The following MMD variants were observed in gnomAD, a reference collection of about 807,000 sequenced individuals.
MMD encodes the protein monocyte to macrophage differentiation factor.
In MMD, 22 loss-of-function variants were observed where a neutral mutation model predicts 33.6. The observed-to-expected ratio is 0.66, with a 90% CI of 0.47 to 0.94. The LOEUF (loss-of-function observed/expected upper bound fraction) is 0.94. MMD is among the 40% of genes least tolerant of loss of function. The pLI, the probability that MMD is intolerant of heterozygous loss-of-function variation, is 0.00. For missense variants in MMD, 242 were observed against 309.8 expected (o/e 0.78, Z 1.64); for synonymous variants, 97 against 103.2 (o/e 0.94, Z 0.36).
chr17:55,415,825 C>T (rs995467692), intron 1 of MMD, among the ~76,000 whole-genome samples: 1 of 152,070 alleles, frequency 6.6e-6, no homozygotes, highest in Admixed American at 6.5e-5. Flanking sequence ...GTTTGAAAAC[C>T]AACTGTTAAA....
intron 5 of MMD, among the ~76,000 whole-genome samples, chr17:55,402,344 G>T (rs918887917): frequency 6.6e-6 from 1 of 152,066 alleles, no homozygotes; most frequent in Non-Finnish European, 1.5e-5. Context: ...TCTTTATTTT[G>T]CACCTGCACA....
intron 6 of MMD, among the ~76,000 whole-genome samples, chr17:55,396,451 G>C (rs139524502): frequency 1.1e-3 from 167 of 152,156 alleles, no homozygotes; most frequent in African/African-American, 4.0e-3. Flanking sequence ...CTCCCGTCTT[G>C]CTCTCTGTTT....
chr17:55,418,014 C>T (rs930415735), intron 1 of MMD, among the ~76,000 whole-genome samples: 11 of 152,204 alleles, frequency 7.2e-5, no homozygotes, highest in African/African-American at 2.4e-4. Context: ...CTTTCTGCTC[C>T]TTAAACACAT....
At chr17:55,398,136 A>G (rs1011651082) in intron 6 of MMD, among the ~76,000 whole-genome samples, 1 of 150,726 alleles carries the variant, frequency 6.6e-6, no homozygotes, top group Non-Finnish European at 1.5e-5. Flanking sequence ...AAAAGAAAAG[A>G]AAAACTGTAA....
intron 4 of MMD, among the ~76,000 whole-genome samples, chr17:55,407,377 C>G (rs1907596640): frequency 6.6e-6 from 1 of 151,928 alleles, no homozygotes; most frequent in Non-Finnish European, 1.5e-5. Context: ...ATATTTACAG[C>G]ATTTCCACTT....
intron 1 of MMD, among the ~76,000 whole-genome samples, chr17:55,417,085 T>A (rs188141640): frequency 6.6e-6 from 1 of 152,190 alleles, no homozygotes; most frequent in Non-Finnish European, 1.5e-5. Context: ...CTTAGCACAC[T>A]AACACACTTT....
Position 55,412,481 on chromosome 17 carries a change from G to A in MMD, c.109-1064C>T, listed in dbSNP as rs573963869. Among the ~76,000 whole-genome samples the A allele has an allele frequency of 2.0e-5, 3 of 152,284 alleles. No homozygotes were observed. In the South Asian group the frequency reaches 6.2e-4, roughly 32 times the overall value. On this transcript the variant is annotated intron_variant, in intron 2 of 6. Transcript: ENST00000262065. ...CAAACTTTAATGTCTAGTCATATGT[G>A]TATGACTATGACTAGTAAACATCTT...
At chr17:55,405,120 C>A (rs1041457828) in intron 4 of MMD, among the ~76,000 whole-genome samples, 11 of 151,776 alleles carry the variant, frequency 7.2e-5, no homozygotes, top group African/African-American at 2.4e-4. Flanking sequence ...GTAATCCCAG[C>A]ACTTTAGGAA....
At chr17:55,416,707 T>C (rs538581302) in intron 1 of MMD, among the ~76,000 whole-genome samples, 1 of 152,270 alleles carries the variant, frequency 6.6e-6, no homozygotes, top group Admixed American at 6.5e-5. Context: ...CTGGCCTTCA[T>C]CTCTTCCCCG....
intron 2 of MMD, among the ~76,000 whole-genome samples, chr17:55,412,743 G>A (rs984953940): frequency 5.3e-5 from 8 of 152,092 alleles, no homozygotes; most frequent in South Asian, 2.1e-4. Context: ...CATCTCCTCC[G>A]GGAAGCAATG....
At chr17:55,410,988 T>C (rs1907737650) in intron 3 of MMD, among the ~76,000 whole-genome samples, 2 of 152,314 alleles carry the variant, frequency 1.3e-5, no homozygotes, top group Non-Finnish European at 2.9e-5. Context: ...CTCTCAGGTT[T>C]TTAAGTGGTA....
chr17:55,400,883 G>A (rs563474336), intron 6 of MMD, among the ~76,000 whole-genome samples: 5 of 150,996 alleles, frequency 3.3e-5, no homozygotes, highest in South Asian at 2.1e-4. Context: ...CTTTACCCAC[G>A]AAAATCCCCA....
chr17:55,405,779 T>C (rs889107870), intron 4 of MMD, among the ~76,000 whole-genome samples: 1 of 152,236 alleles, frequency 6.6e-6, no homozygotes, highest in Non-Finnish European at 1.5e-5. Flanking sequence ...ATCAGGTTTC[T>C]TTTGAATCAT....
In MMD at chr17:55,398,473, C is replaced by G. The variant is rs17818180; in HGVS notation, c.516+2996G>C. Reference sequence around the variant, plus strand: ...CGTCTTTTGATCTGTGTCTATTGATCTGTTTTCCCTTAGGTATGTGTCACT... The same window carrying G: ...CGTCTTTTGATCTGTGTCTATTGATGTGTTTTCCCTTAGGTATGTGTCACT... On this transcript the variant is annotated intron_variant, in intron 6 of 6. Coordinates refer to ENST00000262065, the MANE Select transcript of MMD (RefSeq NM_012329.3). Among the ~76,000 whole-genome samples the G allele has an allele frequency of 1.4e-3, 209 of 151,896 alleles. 4 individuals carry two copies. The East Asian group carries it at 0.032, about 23-fold the overall frequency.
At chr17:55,408,161 A>G (rs1907628583) in intron 3 of MMD, among the ~76,000 whole-genome samples, 1 of 152,212 alleles carries the variant, frequency 6.6e-6, no homozygotes, top group African/African-American at 2.4e-5. Flanking sequence ...CCCCTCTAAC[A>G]GAAAAATGAA....
At chr17:55,411,142 G>A (rs1907744370) in intron 3 of MMD, 115 bp downstream of exon 3, 4 of 1,203,470 alleles carry the variant, frequency 3.3e-6, no homozygotes, top group South Asian at 1.5e-5. Flanking sequence ...AGTCTACAAG[G>A]CAGAAAAATG....
At chr17:55,411,094 G>C (rs566632243) in intron 3 of MMD, among the ~76,000 whole-genome samples, 163 bp downstream of exon 3, 5 of 152,322 alleles carry the variant, frequency 3.3e-5, no homozygotes, top group African/African-American at 1.2e-4. Flanking sequence ...ACTTCATCCA[G>C]TCCAAAGAAC....
At chr17:55,402,521 C>G (rs1907387489) in intron 5 of MMD, among the ~76,000 whole-genome samples, 1 of 152,214 alleles carries the variant, frequency 6.6e-6, no homozygotes, top group African/African-American at 2.4e-5. Context: ...AATCCTAGAA[C>G]AGTACCTGAT....
intron 6 of MMD, among the ~76,000 whole-genome samples, chr17:55,398,650 G>A (rs1907214599): frequency 6.6e-6 from 1 of 152,098 alleles, no homozygotes. Context: ...AAATTGTTGA[G>A]TTTTGTTCTG....
Sources: gnomAD v4.1 joint callset for allele counts (sites outside exome capture counted in the v4.1 genomes callset) on GRCh38, gnomAD v4.1.1 for gene constraint, MANE v1.5 for transcripts, NCBI Gene and HGNC (gene_info 2026-07-23, HGNC 2026-07-21) for gene names.